Variants in ANK2 observed in about 807,000 individuals in gnomAD.
The protein encoded by ANK2 is ankyrin-2.
Under a neutral mutation model 360.5 loss-of-function variants are expected in ANK2, and 83 were observed. The ratio of observed to expected loss-of-function variants is 0.23; its 90% CI spans 0.19 to 0.28. The LOEUF (loss-of-function observed/expected upper bound fraction) is 0.28, where lower values mean the gene tolerates loss of function less well. Ranked by LOEUF, ANK2 falls within the 10% of genes least tolerant of loss-of-function variation. The probability of loss-of-function intolerance (pLI) is 1.00; values close to 1 mark genes in which losing one functional copy is unlikely to be tolerated. For missense variants in ANK2, 4,201 were observed against 4,795.7 expected (o/e 0.88, Z 3.66); for synonymous variants, 1,740 against 1,759.5 (o/e 0.99, Z 0.28).
intron 1 of ANK2, among the ~76,000 whole-genome samples, chr4:112,884,380 G>A (rs1179144913): frequency 6.6e-6 from 1 of 152,134 alleles, no homozygotes; most frequent in African/African-American, 2.4e-5. Context: ...TGTAGCTAAA[G>A]CACCCATAGA....
intron 17 of ANK2, among the ~76,000 whole-genome samples, chr4:113,280,359 C>T (rs1264489470): frequency 6.6e-6 from 1 of 152,194 alleles, no homozygotes; most frequent in African/African-American, 2.4e-5. Flanking sequence ...TAATCTTAGG[C>T]ATGCACGTAC....
chr4:113,138,892 T>TGG (rs2096540899), intron 1 of ANK2, among the ~76,000 whole-genome samples: 1 of 152,216 alleles, frequency 6.6e-6, no homozygotes, highest in African/African-American at 2.4e-5. Flanking sequence ...AGGAAAACAC[T>TGG]GGCCAAATGC....
chr4:112,741,885 G>A, the ANK2 span, among the ~76,000 whole-genome samples: 3 of 152,248 alleles, frequency 2.0e-5, no homozygotes, highest in Non-Finnish European at 2.9e-5. Context: ...CCTTATCAAA[G>A]CATTCTTCTG....
chr4:113,126,237 A>T (rs1161867340), intron 1 of ANK2, among the ~76,000 whole-genome samples: 3 of 152,226 alleles, frequency 2.0e-5, no homozygotes, highest in Non-Finnish European at 4.4e-5. Context: ...CAAAGATCTG[A>T]TGGCAGTAAT....
chr4:112,752,944 G>A, the ANK2 span, among the ~76,000 whole-genome samples: 1 of 152,316 alleles, frequency 6.6e-6, no homozygotes, highest in African/African-American at 2.4e-5. Flanking sequence ...GGGACTACAA[G>A]TGTGAACCTT....
chr4:112,758,733 A>G, the ANK2 span, among the ~76,000 whole-genome samples: 4 of 152,162 alleles, frequency 2.6e-5, no homozygotes, highest in East Asian at 3.8e-4. Flanking sequence ...TTTCTAATCA[A>G]TCTTCTCAAA....
chr4:112,829,275 C>T (rs765680436), intron 1 of ANK2, among the ~76,000 whole-genome samples: 82 of 152,002 alleles, frequency 5.4e-4, no homozygotes, highest in Non-Finnish European at 1.0e-3. Context: ...GTGTTTAAGT[C>T]CTCAACTATT....
chr4:113,012,795 A>G (rs2055205583), intron 2 of ANK2, among the ~76,000 whole-genome samples: 2 of 152,108 alleles, frequency 1.3e-5, no homozygotes, highest in African/African-American at 4.8e-5. Context: ...CTACTTTTAT[A>G]TGTGTTTATT....
chr4:113,190,044 C>T (rs2098631590), intron 2 of ANK2, among the ~76,000 whole-genome samples: 1 of 152,018 alleles, frequency 6.6e-6, no homozygotes, highest in Admixed American at 6.6e-5. Flanking sequence ...TATTACTTGT[C>T]ATCTGATCTT....
chr4:112,924,204 C>T (rs549472507), intron 2 of ANK2, among the ~76,000 whole-genome samples: 1 of 151,958 alleles, frequency 6.6e-6, no homozygotes, highest in South Asian at 2.1e-4. Context: ...CCTGTCTCTA[C>T]TAAAAATACA....
the ANK2 span, among the ~76,000 whole-genome samples, chr4:112,779,895 A>AT: frequency 6.6e-6 from 1 of 152,166 alleles, no homozygotes; most frequent in African/African-American, 2.4e-5. Context: ...AGAAGATGGC[A>AT]TTGTGCTCAG....
chr4:113,065,919 C>A (rs1045969206), intron 1 of ANK2, among the ~76,000 whole-genome samples: 7 of 152,296 alleles, frequency 4.6e-5, no homozygotes, highest in African/African-American at 1.4e-4. Flanking sequence ...GTGGATGGGG[C>A]ACTATTTTAC....
At position 113,138,145 on chromosome 4, in the gene ANK2, T is replaced by C. The variant is rs116099601; in HGVS notation, c.85-36271T>C. 7.7e-3 allele frequency among the ~76,000 whole-genome samples: 1,169 copies of C among 152,332 alleles called. 10 individuals are homozygous for C. The highest frequency in any genetic ancestry group is 0.012 in the Non-Finnish European group (835 of 68,018). On this transcript the variant is annotated intron_variant, in intron 1 of 45. Transcript: ENST00000357077. ...ATAATTCTTTATACCTTGAAGTGTA[T>C]AGATACATTTACTCTAAAGAGATCC...
At position 113,021,541 on chromosome 4, in the gene ANK2, C is replaced by CACACACACACACACACACATATAT. The variant is rs1489947974; in HGVS notation, c.21+117028_21+117029insCACACACACACACACACATATATA. ...ATACACACACACACCCACACACAAA[C>CACACACACACACACACACATATAT]ATATATATATATATATATATATATA... On this transcript the variant is annotated intron_variant, in intron 2 of 30. Coordinates refer to the ANK2 transcript ENST00000503271. 1.8e-4 allele frequency among the ~76,000 whole-genome samples: 17 copies of CACACACACACACACACACATATAT among 95,642 alleles called. 1 individual carries two copies. The highest frequency in any genetic ancestry group is 3.2e-4 in the Non-Finnish European group (14 of 44,134). The allele number at this position is 95,642 out of a possible 152,430, so 62.7% of individuals were successfully genotyped here.
intron 5 of ANK2, among the ~76,000 whole-genome samples, chr4:113,233,106 GTTTTTTTTTTTTTTTTTTTTTTT>G (rs1156385030): frequency 8.2e-4 from 65 of 79,710 alleles, no homozygotes; most frequent in South Asian, 2.2e-3. Context: ...TGGCTTTTCT[GTTTTTTTTTTTTTTTTTTTTTTT>G]TTTTTTTTTT....
At chr4:113,047,745 T>C (rs1163601597), upstream of ANK2, among the ~76,000 whole-genome samples, 3 of 151,860 alleles carry the variant, frequency 2.0e-5, no homozygotes, top group African/African-American at 4.8e-5. Context: ...ACTGAAGCAA[T>C]GGTGAGAGAA....
chr4:113,366,391 CTTTT>C (rs58588518), intron 41 of ANK2, among the ~76,000 whole-genome samples: 5 of 108,370 alleles, frequency 4.6e-5, no homozygotes, highest in African/African-American at 1.8e-4. Flanking sequence ...TTCTTGCTTC[CTTTT>C]TTTTTTTTTT....
rs1524997 is a variant in ANK2, at chr4:113,366,922, A to G, written c.11033-644A>G. Among the ~76,000 whole-genome samples, 344 of 152,282 alleles carry G rather than the reference A, an allele frequency of 2.3e-3. 1 individual carries two copies. Among genetic ancestry groups the G allele is most frequent in the African/African-American group, 7.9e-3 (327 of 41,558 alleles). On this transcript the variant is annotated intron_variant, in intron 41 of 45. Coordinates refer to ENST00000357077, the MANE Select transcript of ANK2 (RefSeq NM_001148.6). ...ACTTATTACATAGTTGGTGCTCAAT[A>G]TATATCTGTTGAATAAATGAGTCAA...
the ANK2 span, among the ~76,000 whole-genome samples, chr4:112,720,555 T>G: frequency 6.6e-6 from 1 of 152,204 alleles, no homozygotes; most frequent in Non-Finnish European, 1.5e-5. Flanking sequence ...ATCCTGTCAC[T>G]TCCTAATGGA....
Sources: allele counts gnomAD v4.1 joint callset (sites outside exome capture counted in the v4.1 genomes callset), GRCh38; gene constraint gnomAD v4.1.1; transcripts MANE v1.5; gene names NCBI Gene and HGNC (gene_info 2026-07-23, HGNC 2026-07-21).